ABLIM1: variants seen among roughly 807,000 people sequenced by gnomAD.
ABLIM1 encodes actin binding LIM protein 1.
In ABLIM1, 40 loss-of-function variants were observed where a neutral mutation model predicts 107.0. The ratio of observed to expected loss-of-function variants is 0.37; its 90% CI spans 0.29 to 0.49. The LOEUF (loss-of-function observed/expected upper bound fraction) is 0.49, where lower values mean the gene tolerates loss of function less well. ABLIM1 is among the 20% of genes least tolerant of loss of function. ABLIM1 has a pLI of 0.97. For missense variants in ABLIM1, 857 were observed against 1,008.5 expected, an observed-to-expected ratio of 0.85 and a Z score of 2.04; for synonymous variants, 357 against 357.3, an observed-to-expected ratio of 1.00 and a Z score of 0.01.
intron 6 of ABLIM1, among the ~76,000 whole-genome samples, chr10:114,519,724 A>G (rs929603759): frequency 1.2e-4 from 18 of 152,314 alleles, no homozygotes; most frequent in African/African-American, 4.3e-4. Context: ...CAAATGACAC[A>G]TCAGGGTTCG....
At chr10:114,594,327 T>TA (rs2075203413) in intron 2 of ABLIM1, among the ~76,000 whole-genome samples, 3 of 152,228 alleles carry the variant, frequency 2.0e-5, no homozygotes, top group Admixed American at 2.0e-4. Context: ...TGTAGCTCAG[T>TA]CATCTGTGAT....
At chr10:114,520,320 G>C (rs1286923096) in intron 6 of ABLIM1, among the ~76,000 whole-genome samples, 1 of 152,136 alleles carries the variant, frequency 6.6e-6, no homozygotes, top group Non-Finnish European at 1.5e-5. Flanking sequence ...ACAAACACCG[G>C]TGTCAAGGCA....
chr10:114,678,775 G>A (rs112401810), intron 1 of ABLIM1, among the ~76,000 whole-genome samples: 7 of 152,216 alleles, frequency 4.6e-5, no homozygotes, highest in Admixed American at 2.0e-4. Context: ...ATTTCCTTGA[G>A]TTTGTTAGAA....
At chr10:114,508,229 C>T (rs1244819504) in intron 6 of ABLIM1, among the ~76,000 whole-genome samples, 1 of 152,178 alleles carries the variant, frequency 6.6e-6, no homozygotes, top group African/African-American at 2.4e-5. Context: ...AAAGGAAGAA[C>T]TTTCCAGGTC....
chr10:114,438,827 C>T (rs2059785697), intron 21 of ABLIM1, among the ~76,000 whole-genome samples: 1 of 152,208 alleles, frequency 6.6e-6, no homozygotes, highest in Non-Finnish European at 1.5e-5. Context: ...AAATGCAGGG[C>T]TTTCAATGGT....
At chr10:114,481,831 TG>T (rs1165299286) in intron 8 of ABLIM1, among the ~76,000 whole-genome samples, 1 of 152,232 alleles carries the variant, frequency 6.6e-6, no homozygotes, top group Non-Finnish European at 1.5e-5. Context: ...CAGTATGTAT[TG>T]TAGTGACATG....
At chr10:114,447,796 A>T in intron 15 of ABLIM1, 84 bp downstream of exon 15, 1 of 1,553,576 alleles carries the variant, frequency 6.4e-7, no homozygotes. Context: ...ATAATAGGAT[A>T]CATTTTCTTT....
Position 114,707,939 on chromosome 10 carries a change from A to T in ABLIM1, c.-213+60122T>A, listed in dbSNP as rs2081459981. On this transcript the variant is annotated intron_variant, in intron 1 of 15. Coordinates refer to the ABLIM1 transcript ENST00000651092. The surrounding 1 kb of genome is among the most constrained non-coding windows in gnomAD (Gnocchi z 4.1). ...CAAACAAACAACAACAACAACAAAA[A>T]ACCTAATTACCAACAGTTTTCAATT... Among the ~76,000 whole-genome samples, 1 of 151,960 alleles carries T rather than the reference A, an allele frequency of 6.6e-6. No homozygotes were observed. Among genetic ancestry groups the T allele is most frequent in the African/African-American group, 2.4e-5 (1 of 41,316 alleles).
intron 11 of ABLIM1, 113 bp from the exon 12 acceptor site, chr10:114,465,940 T>C (rs968825065): frequency 7.5e-6 from 9 of 1,206,264 alleles, no homozygotes; most frequent in African/African-American, 1.6e-5. Flanking sequence ...ATTTGATTAA[T>C]ATATGCACTT....
At chr10:114,563,846 A>G (rs1414280093) in intron 4 of ABLIM1, among the ~76,000 whole-genome samples, 1 of 32,646 alleles carries the variant, frequency 3.1e-5, no homozygotes, top group African/African-American at 1.8e-4. Flanking sequence ...GCTCCGTCTC[A>G]AAAAAAAAAA....
chr10:114,550,145 G>A (rs2067873690), intron 4 of ABLIM1, among the ~76,000 whole-genome samples: 1 of 152,036 alleles, frequency 6.6e-6, no homozygotes, highest in Non-Finnish European at 1.5e-5. Context: ...ACACATATGA[G>A]TGTGTATTAG....
intron 3 of ABLIM1, among the ~76,000 whole-genome samples, chr10:114,573,595 T>G (rs1370091209): frequency 6.6e-6 from 1 of 152,116 alleles, no homozygotes; most frequent in African/African-American, 2.4e-5. Context: ...ACAACATACA[T>G]GAGAACCCTC....
chr10:114,440,783 C>T, intron 19 of ABLIM1: 1 of 629,134 alleles, frequency 1.6e-6, no homozygotes, highest in South Asian at 1.5e-5. Flanking sequence ...ATAGAGTGCT[C>T]AGCACATAGT....
intron 8 of ABLIM1, among the ~76,000 whole-genome samples, chr10:114,483,175 G>A (rs974108598): frequency 2.0e-5 from 3 of 152,310 alleles, no homozygotes; most frequent in African/African-American, 2.4e-5. Flanking sequence ...ACGGGACAAC[G>A]CAAGGCACTG....
chr10:114,690,470 A>G (rs2081051363), intron 1 of ABLIM1: 2 of 1,582,082 alleles, frequency 1.3e-6, no homozygotes, highest in Non-Finnish European at 1.7e-6. Context: ...TAAACCCTGG[A>G]ATAATTCTGT....
Position 114,547,767 on chromosome 10 carries a change from C to A in ABLIM1, c.683G>T (p.Gly228Val). ...KETTFSSNCA[G>V]CGRDIKNGQA... The stretch of plus-strand genomic sequence containing the variant: ...CCCATTCTTGATATCTCTTCCGCAG[C>A]CGGCACAATCTGAAAAAGAGCAGCC... The change falls in exon 5 of 23, where the codon GGC becomes GTC. Residue 228 changes from glycine to valine, a missense_variant. Physicochemically the swap from Gly to Val is moderately radical, Grantham distance 109. Around this residue, in one of 5 missense-constraint regions of ABLIM1, gnomAD observed 381 missense variants for 506.9 expected, o/e 0.75. Transcript: ENST00000533213. 2 of 1,609,244 alleles carry A rather than the reference C, an allele frequency of 1.2e-6. No homozygotes were observed. Among genetic ancestry groups the A allele is most frequent in the African/African-American group, 1.3e-5 (1 of 75,056 alleles).
chr10:114,715,173 G>A (rs553259539), intron 1 of ABLIM1, among the ~76,000 whole-genome samples: 1 of 152,146 alleles, frequency 6.6e-6, no homozygotes, highest in East Asian at 1.9e-4. Flanking sequence ...TTGATGCAGG[G>A]AAAAAAGGCA....
intron 1 of ABLIM1, among the ~76,000 whole-genome samples, chr10:114,692,165 T>A (rs1426576097): frequency 2.6e-5 from 4 of 152,232 alleles, no homozygotes; most frequent in African/African-American, 9.6e-5. Context: ...ACTTCAAATT[T>A]ATTTAACATT....
chr10:114,473,727 T>C (rs921638120), intron 9 of ABLIM1, 152 bp downstream of exon 9: 3 of 579,338 alleles, frequency 5.2e-6, no homozygotes, highest in Non-Finnish European at 9.1e-6. Context: ...TAAAAGTGAT[T>C]GAGGAGACTG....
Sources: allele counts gnomAD v4.1 joint callset (sites outside exome capture counted in the v4.1 genomes callset), GRCh38; gene constraint gnomAD v4.1.1; regional missense constraint gnomAD v4.1.1; non-coding constraint Gnocchi (gnomAD v3.1); transcripts MANE v1.5; gene names NCBI Gene and HGNC (gene_info 2026-07-23, HGNC 2026-07-21).